Variants in WBP2 observed in about 807,000 individuals in gnomAD.
WBP2 encodes the protein WW domain binding protein 2, also known as WW domain-binding protein 2.
A neutral mutation model predicts 33.0 loss-of-function variants in WBP2; 23 were observed. The observed-to-expected ratio is 0.70, with a 90% CI of 0.50 to 0.99. WBP2 has a LOEUF of 0.99. Ranked by LOEUF, WBP2 falls within the 50% of genes least tolerant of loss-of-function variation. The probability of loss-of-function intolerance (pLI) is 0.00; values close to 1 mark genes in which losing one functional copy is unlikely to be tolerated. For synonymous variants in WBP2, 153 were observed against 133.5 expected (o/e 1.15, Z -1.01); for missense variants, 353 against 358.0 (o/e 0.99, Z 0.11).
chr17:75,855,092 T>A, intron 1 of WBP2, 147 bp downstream of exon 1: 7 of 131,174 alleles, frequency 5.3e-5, no homozygotes, highest in Middle Eastern at 4.1e-3. Context: ...CCCACCTTCC[T>A]CCAACCCCGC....
In WBP2 at chr17:75,851,650, T is replaced by G. The variant is rs1216816120; in HGVS notation, c.86A>C (p.Glu29Ala). 2 of 1,613,612 alleles carry G rather than the reference T, an allele frequency of 1.2e-6. No individual in the cohort carries two copies. The highest frequency in any genetic ancestry group is 1.7e-6 in the Non-Finnish European group (2 of 1,179,638). ...GTTCTTCATGTCATTGAATGTGAGT[T>G]CCACGTGATCATAGGACATTAGGAT... ...ESILMSYDHVELTFNDMKNVP... is the reference protein window; with the variant it reads ...ESILMSYDHVALTFNDMKNVP... Residue 29 changes from glutamate (E) to alanine (A), a missense_variant, in exon 2 of 8, where the codon GAA becomes GCA. Transcript: ENST00000254806.
At chr17:75,848,484 A>G in intron 4 of WBP2, 86 bp downstream of exon 4, 1 of 1,357,690 alleles carries the variant, frequency 7.4e-7, no homozygotes, top group Non-Finnish European at 1.0e-6. Context: ...AGTTCTTGAA[A>G]AAGCAAAACG....
At chr17:75,851,159 G>T in intron 2 of WBP2, 2 of 175,138 alleles carry the variant, frequency 1.1e-5, no homozygotes, top group South Asian at 2.6e-4. Context: ...TCTCTGCCCA[G>T]TCCGGAGGCC....
intron 6 of WBP2, chr17:75,847,189 C>T (rs1768265904): frequency 1.5e-6 from 1 of 683,814 alleles, no homozygotes; most frequent in Admixed American, 2.7e-5. Context: ...CTCATCTAAT[C>T]CTTGAGCCAA....
chr17:75,851,873 G>A (rs1365010729), intron 1 of WBP2, 197 bp from the exon 2 acceptor site: 12 of 406,344 alleles, frequency 3.0e-5, no homozygotes, highest in African/African-American at 1.2e-4. Context: ...AGGCCGAGGC[G>A]AGCGGATGAC....
intron 6 of WBP2, 156 bp from the exon 7 acceptor site, chr17:75,847,140 C>A: frequency 2.5e-6 from 2 of 789,518 alleles, no homozygotes; most frequent in Non-Finnish European, 4.1e-6. Flanking sequence ...ACATGCCACG[C>A]GCTGGCACGG....
chr17:75,854,251 C>T (rs1468197031), intron 1 of WBP2, among the ~76,000 whole-genome samples: 1 of 152,114 alleles, frequency 6.6e-6, no homozygotes, highest in Non-Finnish European at 1.5e-5. Flanking sequence ...TAGCTGGGTA[C>T]AGGGCTCTGA....
intron 4 of WBP2, 31 bp downstream of exon 4, chr17:75,848,539 C>G: frequency 6.2e-7 from 1 of 1,601,166 alleles, no homozygotes; most frequent in Non-Finnish European, 8.5e-7. Flanking sequence ...TTTAGTGTGT[C>G]TTTAGCCCCT....
chr17:75,850,100 A>AG lies in WBP2; in HGVS notation c.169-362dup, dbSNP rs1301366420. On this transcript the variant is annotated intron_variant, in intron 2 of 7. Transcript: ENST00000254806. ...CAAGGCAGGGATGGGTTCCTGAAAG[A>AG]GGGGGGTCTCCAGCCTGAACTCTCC... Among the ~76,000 whole-genome samples the AG allele has an allele frequency of 6.6e-5, 10 of 152,130 alleles. No homozygotes were observed. The East Asian group carries it at 9.6e-4, about 15-fold the overall frequency.
chr17:75,854,984 C>T, intron 1 of WBP2: 1 of 569,190 alleles, frequency 1.8e-6, no homozygotes. Flanking sequence ...AGAATCACCC[C>T]TAGGCCCCAC....
chr17:75,851,782 A>G lies in WBP2; in HGVS notation c.60-106T>C, dbSNP rs531831238. ...GCAGCTGCCCGGCACGTCAGCTCTC[A>G]TAACCTCTCAATAGTGCGGCATTAA... is the stretch of plus-strand genomic sequence containing the variant. On this transcript the variant is annotated intron_variant, in intron 1 of 7. Transcript: ENST00000254806. The G allele has an allele frequency of 5.3e-5, 43 of 806,240 alleles. 1 individual carries two copies. The South Asian group carries it at 5.6e-4, about 11-fold the overall frequency. The allele number at this position is 806,240 out of a possible 1,614,324, so 49.9% of individuals were successfully genotyped here. A position where few individuals can be genotyped will look rare whatever the true frequency, so the allele number is the denominator to read the frequency against.
intron 6 of WBP2, 97 bp downstream of exon 6, chr17:75,847,390 G>A (rs962259155): frequency 6.5e-6 from 10 of 1,528,352 alleles, no homozygotes; most frequent in African/African-American, 2.8e-5. Flanking sequence ...CATCATCTGC[G>A]GCTCTCAGCA....
chr17:75,847,549 G>A lies in WBP2; in HGVS notation c.593C>T (p.Pro198Leu), dbSNP rs1036589187. 8.7e-6 allele frequency: 14 copies of A among 1,601,980 alleles called. No homozygotes were observed. The highest frequency in any genetic ancestry group is 3.4e-5 in the Admixed American group (2 of 58,414). The change falls in exon 6 of 8, where the codon CCG (proline) becomes CTG (leucine). Residue 198 changes from proline to leucine, a missense_variant. Pro to Leu is a moderately conservative substitution (Grantham distance 98). Coordinates refer to ENST00000254806, the MANE Select transcript of WBP2 (RefSeq NM_012478.4). ...GAMGYVQPPP[P>L]PYPGPMEPPV... ...AGGTTCCATGGGCCCAGGGTAGGGC[G>A]GTGGTGGGGGCTGCACGTATCCCAT...
chr17:75,852,763 T>C, intron 1 of WBP2: 2 of 985,002 alleles, frequency 2.0e-6, no homozygotes, highest in South Asian at 4.7e-5. Context: ...CCAACTCTTC[T>C]ATTTTCTTTT....
chr17:75,855,457 C>CT, upstream of WBP2: 1 of 709,030 alleles, frequency 1.4e-6, no homozygotes. Context: ...TAATAGTTTA[C>CT]TCCCTCCTTC....
At chr17:75,850,049 C>T (rs148082333) in intron 2 of WBP2, among the ~76,000 whole-genome samples, 282 of 152,108 alleles carry the variant, frequency 1.9e-3, no homozygotes, top group African/African-American at 6.3e-3. Flanking sequence ...AAGGGGCCTA[C>T]GAAGCTAGGG....
In WBP2 at chr17:75,846,853, C is replaced by T. The variant is rs563728128; in HGVS notation, c.732+55G>A. On this transcript the variant is annotated intron_variant, in intron 7 of 7. Coordinates refer to ENST00000254806, the MANE Select transcript of WBP2 (RefSeq NM_012478.4). This position sits in a 1 kb window ranked among gnomAD's most constrained non-coding sequence, Gnocchi z 4.8. ...AAAACATGGTGCGGTCATCCCCCTGCGGCTCCCAGCATCTGCGGCTGTGGG... is the reference window on the plus strand; with the variant it reads ...AAAACATGGTGCGGTCATCCCCCTGTGGCTCCCAGCATCTGCGGCTGTGGG... 4.0e-5 allele frequency: 64 copies of T among 1,612,184 alleles called. No individual in the cohort carries two copies. The East Asian group carries it at 5.8e-4, about 15-fold the overall frequency.
Position 75,849,676 on chromosome 17 carries a change from T to C in WBP2, c.232A>G (p.Lys78Glu). 6.2e-7 allele frequency: 1 copy of C among 1,614,218 alleles called. No individual in the cohort carries two copies. The highest frequency in any genetic ancestry group is 8.5e-7 in the Non-Finnish European group (1 of 1,180,036). Residue 78 changes from lysine to glutamate, a missense_variant, in exon 3 of 8, where the codon AAA becomes GAA. By Grantham distance (56) the Lys-to-Glu change is moderately conservative. Coordinates refer to ENST00000254806, the MANE Select transcript of WBP2 (RefSeq NM_012478.4). ...QSFMMPFYLM[K>E]DCEIKQPVFG... ...ACGGGCTGCTTGATCTCACAGTCTT[T>C]CATGAGATAAAATGGCATCATGAAG... is the stretch of plus-strand genomic sequence containing the variant.
intron 1 of WBP2, among the ~76,000 whole-genome samples, chr17:75,854,037 T>C (rs1599426242): frequency 2.3e-5 from 2 of 85,264 alleles, no homozygotes; most frequent in Non-Finnish European, 2.0e-5. Context: ...AGAGCAAGCC[T>C]CCATCTAAAA....
Sources: gnomAD v4.1 joint callset for allele counts (sites outside exome capture counted in the v4.1 genomes callset) on GRCh38, gnomAD v4.1.1 for gene constraint, Gnocchi (gnomAD v3.1) non-coding constraint, MANE v1.5 for transcripts, NCBI Gene and HGNC (gene_info 2026-07-23, HGNC 2026-07-21) for gene names.